The following PLEKHM3 variants were observed in gnomAD, a reference collection of about 807,000 sequenced individuals.
PLEKHM3 encodes pleckstrin homology domain containing M3, also known as pleckstrin homology domain-containing family M member 3.
PLEKHM3 carries 45 observed loss-of-function variants against 81.8 expected under a neutral mutation model. The ratio of observed to expected loss-of-function variants is 0.55; its 90% CI spans 0.43 to 0.71. The LOEUF (loss-of-function observed/expected upper bound fraction) is 0.71, where lower values mean the gene tolerates loss of function less well. Among genes scored for constraint, PLEKHM3 ranks in the 30% least tolerant of loss-of-function variants. The pLI is 0.00. For synonymous variants in PLEKHM3, 352 were observed against 356.4 expected (o/e 0.99, Z 0.14); for missense variants, 788 against 924.3 (o/e 0.85, Z 1.91).
rs1692278941 is a variant in PLEKHM3, at chr2:208,001,048, C to T, written c.592G>A (p.Asp198Asn). 1 of 1,546,542 alleles carries T rather than the reference C, an allele frequency of 6.5e-7. No individual in the cohort carries two copies. The highest frequency in any genetic ancestry group is 2.4e-5 in the East Asian group (1 of 40,848). Residue 198 changes from aspartate to asparagine, a missense_variant, in exon 2 of 8, where the codon GAT (aspartate) becomes AAT (asparagine). Physicochemically the swap from Asp to Asn is conservative, Grantham distance 23. Coordinates refer to ENST00000427836, the MANE Select transcript of PLEKHM3 (RefSeq NM_001080475.3). ...AACATACCAGTATTTCCTTGAGCAT[C>T]TTCTATCTTATTTGGTGAGGGCAAC... is the stretch of plus-strand genomic sequence containing the variant. The part of the protein sequence containing the change: ...FLLPSPNKIE[D>N]AQGNTEHKQT...
chr2:207,921,114 T>C (rs1470422555), intron 5 of PLEKHM3, among the ~76,000 whole-genome samples: 1 of 152,134 alleles, frequency 6.6e-6, no homozygotes, highest in Non-Finnish European at 1.5e-5. Context: ...AGTGGCACTA[T>C]CTTGGCTCAC....
intron 3 of PLEKHM3, among the ~76,000 whole-genome samples, chr2:207,949,500 A>G (rs746182185): frequency 6.6e-6 from 1 of 152,224 alleles, no homozygotes; most frequent in Non-Finnish European, 1.5e-5. Flanking sequence ...TGATCATGCC[A>G]CTGCACTCCA....
At chr2:208,007,041 C>T (rs1214733195) in intron 1 of PLEKHM3, among the ~76,000 whole-genome samples, 2 of 152,208 alleles carry the variant, frequency 1.3e-5, no homozygotes, top group African/African-American at 4.8e-5. Flanking sequence ...CACAGAGATG[C>T]TGTGTCCTCC....
At chr2:207,955,305 T>C (rs1690466457) in intron 3 of PLEKHM3, among the ~76,000 whole-genome samples, 1 of 152,162 alleles carries the variant, frequency 6.6e-6, no homozygotes, top group African/African-American at 2.4e-5. Flanking sequence ...AACTTAGTAT[T>C]TTTTTCATCC....
intron 4 of PLEKHM3, among the ~76,000 whole-genome samples, chr2:207,937,402 C>T (rs1293917638): frequency 6.6e-6 from 1 of 151,992 alleles, no homozygotes; most frequent in Non-Finnish European, 1.5e-5. Context: ...TTTGTCTCTA[C>T]CAAAAACTAA....
intron 1 of PLEKHM3, among the ~76,000 whole-genome samples, chr2:208,004,466 G>A (rs1168024933): frequency 2.0e-5 from 3 of 152,086 alleles, no homozygotes; most frequent in Non-Finnish European, 4.4e-5. Flanking sequence ...GCTGGTTGGT[G>A]GAATACTTCT....
intron 7 of PLEKHM3, among the ~76,000 whole-genome samples, chr2:207,860,672 G>A (rs1286315326): frequency 6.6e-6 from 1 of 152,150 alleles, no homozygotes; most frequent in Non-Finnish European, 1.5e-5. Flanking sequence ...GCGGAGAAAA[G>A]CACATGGCCA....
At chr2:207,847,222 T>G (rs962124135) in intron 7 of PLEKHM3, among the ~76,000 whole-genome samples, 1 of 152,176 alleles carries the variant, frequency 6.6e-6, no homozygotes, top group African/African-American at 2.4e-5. Flanking sequence ...CTTAATGGCA[T>G]AAAGGGTCAG....
At chr2:207,995,092 C>T (rs1463345255) in intron 2 of PLEKHM3, among the ~76,000 whole-genome samples, 2 of 152,114 alleles carry the variant, frequency 1.3e-5, no homozygotes, top group African/African-American at 2.4e-5. Context: ...CCATCAGGGT[C>T]GGTTCACTTC....
intron 1 of PLEKHM3, among the ~76,000 whole-genome samples, chr2:208,008,567 T>C (rs1692584207): frequency 1.4e-5 from 2 of 147,156 alleles, no homozygotes; most frequent in African/African-American, 5.1e-5. Flanking sequence ...TGCCTACTTA[T>C]ACCTTACAAC....
At chr2:207,917,888 C>T (rs1182585509) in intron 5 of PLEKHM3, among the ~76,000 whole-genome samples, 1 of 151,986 alleles carries the variant, frequency 6.6e-6, no homozygotes, top group African/African-American at 2.4e-5. Context: ...AAACTGCCCT[C>T]CTAGAGCAAG....
intron 6 of PLEKHM3, among the ~76,000 whole-genome samples, chr2:207,888,317 T>G (rs906655343): frequency 6.6e-6 from 1 of 151,944 alleles, no homozygotes; most frequent in African/African-American, 2.4e-5. Context: ...CTATTCTTTC[T>G]TGATGAATGT....
At position 207,845,935 on chromosome 2, in the gene PLEKHM3, G is replaced by A. The variant is rs370240802; in HGVS notation, c.2108+15170C>T. 1.0e-3 allele frequency among the ~76,000 whole-genome samples: 159 copies of A among 152,230 alleles called. 1 individual carries two copies. Among genetic ancestry groups the A allele is most frequent in the African/African-American group, 3.8e-3 (156 of 41,540 alleles). On this transcript the variant is annotated intron_variant, in intron 7 of 7. Transcript: ENST00000427836. ...CAGAATAAAAATCAGCCAACTTTAC[G>A]GAAAACATCATGACAAACTATCAAA...
At chr2:208,024,484 C>T (rs1295211197) in intron 1 of PLEKHM3, among the ~76,000 whole-genome samples, 2 of 152,144 alleles carry the variant, frequency 1.3e-5, no homozygotes, top group African/African-American at 4.8e-5. Context: ...ACCAAGGTTA[C>T]AAATGTCTAC....
chr2:207,916,126 C>T (rs1688985859), intron 5 of PLEKHM3, among the ~76,000 whole-genome samples: 1 of 152,154 alleles, frequency 6.6e-6, no homozygotes, highest in African/African-American at 2.4e-5. Context: ...TCTCTAGGTA[C>T]CTCATTTTGC....
At chr2:207,998,242 G>A (rs1219555570) in intron 2 of PLEKHM3, among the ~76,000 whole-genome samples, 2 of 152,202 alleles carry the variant, frequency 1.3e-5, no homozygotes, top group Non-Finnish European at 1.5e-5. Context: ...AGTGGCTCAC[G>A]CCTGTAACCC....
chr2:207,876,969 A>G (rs1290279175), intron 6 of PLEKHM3, among the ~76,000 whole-genome samples: 1 of 152,176 alleles, frequency 6.6e-6, no homozygotes, highest in Non-Finnish European at 1.5e-5. Flanking sequence ...ATAATTTCAT[A>G]CCACTCAAAG....
intron 7 of PLEKHM3, among the ~76,000 whole-genome samples, chr2:207,849,124 A>G (rs2092399109): frequency 6.6e-6 from 1 of 152,140 alleles, no homozygotes; most frequent in Admixed American, 6.5e-5. Flanking sequence ...ACTGGAGGCC[A>G]GGAGTTCGAG....
intron 7 of PLEKHM3, among the ~76,000 whole-genome samples, chr2:207,829,838 C>G (rs1030871908): frequency 1.3e-5 from 2 of 152,118 alleles, no homozygotes; most frequent in African/African-American, 4.8e-5. Flanking sequence ...TGCTTTTTCA[C>G]AGCGTCTTGA....
Sources: gnomAD v4.1 joint callset for allele counts (sites outside exome capture counted in the v4.1 genomes callset) on GRCh38, gnomAD v4.1.1 for gene constraint, MANE v1.5 for transcripts, NCBI Gene and HGNC (gene_info 2026-07-23, HGNC 2026-07-21) for gene names.